C12orf42: variants seen among roughly 807,000 people sequenced by gnomAD.
The protein encoded by C12orf42 is chromosome 12 open reading frame 42.
C12orf42 carries 25 observed loss-of-function variants against 21.6 expected under a neutral mutation model. That is an observed-to-expected ratio of 1.16 (90% CI 0.84 to 1.62). The LOEUF (loss-of-function observed/expected upper bound fraction) is 1.62, where lower values mean the gene tolerates loss of function less well. C12orf42 is among the 40% of genes most tolerant of loss of function. The pLI, the probability that C12orf42 is intolerant of heterozygous loss-of-function variation, is 0.00. For synonymous variants in C12orf42, 174 were observed against 175.0 expected (o/e 0.99, Z 0.05); for missense variants, 483 against 459.3 (o/e 1.05, Z -0.47).
the C12orf42 span, among the ~76,000 whole-genome samples, chr12:103,106,328 A>G: frequency 1.3e-5 from 2 of 152,148 alleles, no homozygotes; most frequent in African/African-American, 2.4e-5. Flanking sequence ...TGACTAAGAA[A>G]GAGGCTGAAA....
intron 2 of C12orf42, among the ~76,000 whole-genome samples, chr12:103,450,440 T>C (rs1372090260): frequency 6.6e-6 from 1 of 152,176 alleles, no homozygotes; most frequent in African/African-American, 2.4e-5. Context: ...TCAGTGTTCA[T>C]GAAATTGTTC....
At chr12:103,540,932 C>T in the C12orf42 span, among the ~76,000 whole-genome samples, 1 of 152,022 alleles carries the variant, frequency 6.6e-6, no homozygotes, top group Non-Finnish European at 1.5e-5. Context: ...AAGACGAAGT[C>T]CTGCTCTATT....
chr12:103,359,152 C>T (rs976131313), intron 4 of C12orf42, among the ~76,000 whole-genome samples: 5 of 152,138 alleles, frequency 3.3e-5, no homozygotes, highest in African/African-American at 1.2e-4. Flanking sequence ...GGCCCCAATC[C>T]TCTTCAATCT....
chr12:103,288,709 A>G (rs2036619018), intron 4 of C12orf42, among the ~76,000 whole-genome samples: 1 of 152,172 alleles, frequency 6.6e-6, no homozygotes, highest in South Asian at 2.1e-4. Context: ...GATACTGCTT[A>G]CATGGTAAGA....
the C12orf42 span, among the ~76,000 whole-genome samples, chr12:103,097,356 T>A: frequency 6.6e-6 from 1 of 152,218 alleles, no homozygotes; most frequent in Non-Finnish European, 1.5e-5. Flanking sequence ...TCTGATTAAG[T>A]AGACAAAGGC....
chr12:103,388,876 T>A (rs1022005580), intron 3 of C12orf42, among the ~76,000 whole-genome samples: 4 of 152,164 alleles, frequency 2.6e-5, no homozygotes, highest in African/African-American at 4.8e-5. Context: ...TAGAATAGGG[T>A]CATGCAGGCA....
the C12orf42 span, among the ~76,000 whole-genome samples, chr12:103,099,053 A>G: frequency 6.6e-6 from 1 of 152,236 alleles, no homozygotes; most frequent in Non-Finnish European, 1.5e-5. Flanking sequence ...TTTGTCAATG[A>G]CAATGTAGAT....
At chr12:103,084,485 C>T in the C12orf42 span, among the ~76,000 whole-genome samples, 39 of 152,002 alleles carry the variant, frequency 2.6e-4, no homozygotes, top group African/African-American at 9.4e-4. Context: ...GTTTGCTGCA[C>T]CCAAATCTCT....
downstream of C12orf42, among the ~76,000 whole-genome samples, chr12:103,265,171 A>G (rs2035102681): frequency 6.6e-6 from 1 of 152,104 alleles, no homozygotes. Context: ...CTCCACCCTC[A>G]TGAACTAATC....
chr12:103,266,381 G>A (rs1309091258), downstream of C12orf42, among the ~76,000 whole-genome samples: 2 of 152,102 alleles, frequency 1.3e-5, no homozygotes, highest in African/African-American at 4.8e-5. Context: ...AGGAAAATGT[G>A]TATAAACTCT....
rs1565998064 is a variant in C12orf42, at chr12:103,256,085, A to AAT, written c.*1366+7239_*1366+7240dup. 6.8e-3 allele frequency among the ~76,000 whole-genome samples: 400 copies of AAT among 58,780 alleles called. 2 individuals are homozygous for AAT. The highest frequency in any genetic ancestry group is 0.014 in the African/African-American group (161 of 11,196). The allele number at this position is 58,780 out of a possible 152,430, so 38.6% of individuals were successfully genotyped here. A position where few individuals can be genotyped will look rare whatever the true frequency, so the allele number is the denominator to read the frequency against. On this transcript the variant is annotated intron_variant and NMD_transcript_variant, in intron 10 of 10. Transcript: ENST00000547347. Reference sequence around the variant, plus strand: ...AAAAAAAAAAAAAAAAAAAAAAAAAAATATATATATATATATATATATATA... The same window carrying AAT: ...AAAAAAAAAAAAAAAAAAAAAAAAAAATATATATATATATATATATATATATA...
the C12orf42 span, among the ~76,000 whole-genome samples, chr12:103,510,929 T>C: frequency 1.3e-5 from 2 of 152,238 alleles, no homozygotes; most frequent in African/African-American, 4.8e-5. Context: ...GACTGCACTT[T>C]GACAAGTGTT....
At chr12:103,552,919 A>AC in the C12orf42 span, among the ~76,000 whole-genome samples, 3 of 151,778 alleles carry the variant, frequency 2.0e-5, no homozygotes. Flanking sequence ...AGCAGGGGAA[A>AC]CTGCCTTATA....
At chr12:103,322,127 A>G (rs2888780) in intron 4 of C12orf42, among the ~76,000 whole-genome samples, 2,486 of 32,976 alleles carry the variant, frequency 0.075, 35 homozygotes, top group Middle Eastern at 0.23. Flanking sequence ...GCGCGCGCGC[A>G]CACACACACA....
intron 2 of C12orf42, 46 bp downstream of exon 2, chr12:103,478,303 A>C: frequency 7.8e-7 from 1 of 1,285,880 alleles, no homozygotes; most frequent in Non-Finnish European, 1.1e-6. Context: ...GAGCAAACCT[A>C]TTAACCTAAA....
chr12:103,116,381 A>AAT, the C12orf42 span, among the ~76,000 whole-genome samples: 7,781 of 136,564 alleles, frequency 0.057, 289 homozygotes, highest in Non-Finnish European at 0.082. Context: ...AAAAAAAAAA[A>AAT]ATATATATAT....
chr12:103,373,770 C>G (rs947826330), intron 3 of C12orf42, among the ~76,000 whole-genome samples: 1 of 152,138 alleles, frequency 6.6e-6, no homozygotes. Flanking sequence ...CAGAATCATT[C>G]TTTAGTGGAA....
At chr12:103,533,664 C>CA in the C12orf42 span, among the ~76,000 whole-genome samples, 1 of 152,148 alleles carries the variant, frequency 6.6e-6, no homozygotes, top group Non-Finnish European at 1.5e-5. Flanking sequence ...TTTTGTTGGT[C>CA]AAAAATGGTC....
chr12:103,082,910 A>G, the C12orf42 span, among the ~76,000 whole-genome samples: 1 of 152,244 alleles, frequency 6.6e-6, no homozygotes. Context: ...CTAGCATAGC[A>G]TACATAGGTG....
Sources: gnomAD v4.1 joint callset for allele counts (sites outside exome capture counted in the v4.1 genomes callset) on GRCh38, gnomAD v4.1.1 for gene constraint, MANE v1.5 for transcripts, NCBI Gene and HGNC (gene_info 2026-07-23, HGNC 2026-07-21) for gene names.